Variants in BEST1 observed in about 807,000 individuals in gnomAD.
BEST1 encodes bestrophin-1.
Under a neutral mutation model 63.3 loss-of-function variants are expected in BEST1, and 58 were observed. That is an observed-to-expected ratio of 0.92 (90% CI 0.74 to 1.14). The LOEUF is 1.14. Among genes scored for constraint, BEST1 ranks in the 50% most tolerant of loss-of-function variants. The pLI is 0.00. For missense variants in BEST1, 671 were observed against 740.1 expected (o/e 0.91, Z 1.08); for synonymous variants, 283 against 291.6 (o/e 0.97, Z 0.30).
chr11:61,959,073 A>G (rs1228940009), intron 7 of BEST1: 1 of 290,020 alleles, frequency 3.4e-6, no homozygotes, highest in Non-Finnish European at 6.8e-6. Context: ...GACGCGTGTC[A>G]CCTCTTCGGG....
intron 10 of BEST1, chr11:61,963,790 G>A (rs927809174): frequency 8.1e-6 from 10 of 1,238,324 alleles, no homozygotes; most frequent in African/African-American, 3.1e-5. Context: ...GATCACAGGA[G>A]GTCAGGAGTT....
intron 2 of BEST1, among the ~76,000 whole-genome samples, chr11:61,953,726 C>T (rs2727272): frequency 7.9e-5 from 12 of 151,574 alleles, no homozygotes; most frequent in Admixed American, 1.3e-4. Flanking sequence ...AAATAAAAAT[C>T]AAAAAATGAT....
chr11:61,953,768 C>T (rs1940969908), intron 2 of BEST1, among the ~76,000 whole-genome samples: 1 of 152,060 alleles, frequency 6.6e-6, no homozygotes, highest in Non-Finnish European at 1.5e-5. Context: ...TGTAGTCCCA[C>T]CCAGCTCCTC....
chr11:61,957,034 G>A, intron 5 of BEST1, 36 bp downstream of exon 5: 1 of 1,613,658 alleles, frequency 6.2e-7, no homozygotes, highest in African/African-American at 1.3e-5. Context: ...GCCGCAGAGT[G>A]GGAAGGGCTG....
intron 9 of BEST1, chr11:61,961,992 C>T (rs896267647): frequency 1.5e-5 from 8 of 532,684 alleles, no homozygotes; most frequent in South Asian, 6.3e-5. Flanking sequence ...GGCCTTTACA[C>T]GCCAGGCGGG....
At chr11:61,965,262 G>A (rs563123132), downstream of BEST1, 100 of 1,592,364 alleles carry the variant, frequency 6.3e-5, no homozygotes, top group Admixed American at 1.2e-4. Flanking sequence ...AAAGGCAAAA[G>A]CCCAGTGTAT....
Position 61,962,870 on chromosome 11 carries a change from T to A in BEST1, c.1716T>A (p.Asp572Glu), listed in dbSNP as rs1313158069. 1 of 1,613,982 alleles carries A rather than the reference T, an allele frequency of 6.2e-7. No individual in the cohort carries two copies. The highest frequency in any genetic ancestry group is 1.1e-5 in the South Asian group (1 of 91,074). ...ACACTACACTCAAAGATCACATGGA[T>A]CCTTATTGGGCCTTGGAAAACAGGT... ...NIHTTLKDHMDPYWALENRDE... is the reference protein window; with the variant it reads ...NIHTTLKDHMEPYWALENRDE... Residue 572 changes from aspartate to glutamate, a missense_variant, in exon 10 of 11, where the codon GAT (aspartate) becomes GAA (glutamate). Asp to Glu is a conservative substitution (Grantham distance 45). Coordinates refer to ENST00000378043, the MANE Select transcript of BEST1 (RefSeq NM_004183.4).
At chr11:61,950,331 A>AG (rs1216912154), upstream of BEST1, 4 of 152,776 alleles carry the variant, frequency 2.6e-5, no homozygotes, top group Non-Finnish European at 5.9e-5. Flanking sequence ...AGCCTCTAAG[A>AG]GTGGGCAGGG....
chr11:61,955,604 C>G (rs1418324228), intron 3 of BEST1, 114 bp from the exon 4 acceptor site: 2 of 1,264,592 alleles, frequency 1.6e-6, no homozygotes, highest in Non-Finnish European at 2.2e-6. Flanking sequence ...GGGCTGGGGG[C>G]TAGGCCCGCT....
intron 2 of BEST1, 82 bp downstream of exon 2, chr11:61,952,040 C>T: frequency 6.6e-7 from 1 of 1,513,582 alleles, no homozygotes. Flanking sequence ...CCAGCCAGCT[C>T]AGGGGCCAGT....
At chr11:61,963,053 C>T in intron 10 of BEST1, 160 bp downstream of exon 10, 7 of 1,516,148 alleles carry the variant, frequency 4.6e-6, no homozygotes, top group South Asian at 1.3e-5. Flanking sequence ...TATACTTGGC[C>T]ACCTTCACAG....
chr11:61,963,050 G>C, intron 10 of BEST1, 157 bp downstream of exon 10: 1 of 1,519,716 alleles, frequency 6.6e-7, no homozygotes, highest in South Asian at 1.3e-5. Flanking sequence ...GTATATACTT[G>C]GCCACCTTCA....
At chr11:61,963,021 C>T (rs571740954) in intron 10 of BEST1, 128 bp downstream of exon 10, 69 of 1,576,010 alleles carry the variant, frequency 4.4e-5, no homozygotes, top group Middle Eastern at 3.3e-4. Flanking sequence ...ACTGGACCTA[C>T]GCCCAGCACT....
At chr11:61,960,395 G>C (rs781761421) in intron 9 of BEST1, 6 of 352,096 alleles carry the variant, frequency 1.7e-5, no homozygotes, top group Non-Finnish European at 3.2e-5. Context: ...TTTTGAGACA[G>C]TATCTCGCTC....
chr11:61,951,851 C>A lies in BEST1; in HGVS notation c.45C>A (p.Gly15=). 6.2e-7 allele frequency: 1 copy of A among 1,613,804 alleles called. No individual in the cohort carries two copies. The highest frequency in any genetic ancestry group is 8.5e-7 in the Non-Finnish European group (1 of 1,180,040). ...GCCAAGTGGCTAATGCCCGCTTAGG[C>A]TCCTTCTCCCGCCTGCTGCTGTGCT... ...YTSQVANARL[G]SFSRLLLCWR... Residue 15 remains glycine, a synonymous_variant, in exon 2 of 11, where the codon GGC becomes GGA. Transcript: ENST00000378043.
In BEST1 at chr11:61,962,801, A is replaced by C; in HGVS notation, c.1647A>C (p.Glu549Asp). 1 of 1,614,204 alleles carries C rather than the reference A, an allele frequency of 6.2e-7. No individual in the cohort carries two copies. The highest frequency in any genetic ancestry group is 1.1e-5 in the South Asian group (1 of 91,082). Residue 549 changes from glutamate to aspartate, a missense_variant, in exon 10 of 11, where the codon GAA becomes GAC. Physicochemically the swap from Glu to Asp is conservative, Grantham distance 45 (BLOSUM62 2). Coordinates refer to ENST00000378043, the MANE Select transcript of BEST1 (RefSeq NM_004183.4). Reference protein sequence around the residue: ...FNLTDMPEIPENHLKEPLEQS... With the variant: ...FNLTDMPEIPDNHLKEPLEQS... ...TGACGGATATGCCAGAGATCCCCGA[A>C]AATCACCTCAAAGAACCTTTGGAAC... is the stretch of plus-strand genomic sequence containing the variant.
upstream of BEST1, chr11:61,950,202 C>G (rs2134402860): frequency 6.5e-6 from 1 of 152,750 alleles, no homozygotes; most frequent in South Asian, 2.1e-4. Context: ...CATGGCCAGG[C>G]TGTGCTAGCC....
At chr11:61,955,264 G>C in intron 3 of BEST1, 63 bp downstream of exon 3, 1 of 1,613,126 alleles carries the variant, frequency 6.2e-7, no homozygotes, top group South Asian at 1.1e-5. Flanking sequence ...ACAGGCCAGG[G>C]GAGGATCACG....
In BEST1 at chr11:61,956,882, CTG is replaced by C; in HGVS notation, c.521_522del (p.Leu174GlnfsTer57). The C allele has an allele frequency of 1.2e-6, 2 of 1,614,150 alleles. No individual in the cohort carries two copies. The highest frequency in any genetic ancestry group is 1.7e-6 in the Non-Finnish European group (2 of 1,180,018). ...GGCAGAACACAAGCAGTTGGAGAAA[CTG>C]AGCCTACCACACAACATGTTCTGGG... ...TPAEHKQLEK[L>X]SLPHNMFWVP... is the part of the protein sequence containing the mutation. On this transcript the variant is annotated frameshift_variant, in exon 5 of 11. Coordinates refer to ENST00000378043, the MANE Select transcript of BEST1 (RefSeq NM_004183.4). LOFTEE classifies it high-confidence loss of function.
Sources: gnomAD v4.1 joint callset for allele counts (sites outside exome capture counted in the v4.1 genomes callset) on GRCh38, gnomAD v4.1.1 for gene constraint, MANE v1.5 for transcripts, NCBI Gene and HGNC (gene_info 2026-07-23, HGNC 2026-07-21) for gene names.